The following PCDH7 variants were observed in gnomAD, a reference collection of about 807,000 sequenced individuals.
The protein encoded by PCDH7 is protocadherin 7.
In PCDH7, 17 loss-of-function variants were observed where a neutral mutation model predicts 58.9. The observed-to-expected ratio is 0.29, with a 90% CI of 0.20 to 0.43. The LOEUF (loss-of-function observed/expected upper bound fraction) is 0.43. Among genes scored for constraint, PCDH7 ranks in the 20% least tolerant of loss-of-function variants. The probability of loss-of-function intolerance (pLI) is 1.00; values close to 1 mark genes in which losing one functional copy is unlikely to be tolerated. For synonymous variants in PCDH7, 664 were observed against 616.4 expected, an observed-to-expected ratio of 1.08 and a Z score of -1.14; for missense variants, 1,274 against 1,441.0, an observed-to-expected ratio of 0.88 and a Z score of 1.88.
At chr4:31,106,235 C>A (rs1305342332) in intron 3 of PCDH7, among the ~76,000 whole-genome samples, 1 of 152,068 alleles carries the variant, frequency 6.6e-6, no homozygotes, top group Non-Finnish European at 1.5e-5. Context: ...TCTTATTGAT[C>A]TTGTGTCTGT....
intron 3 of PCDH7, among the ~76,000 whole-genome samples, chr4:30,968,898 T>A (rs942606642): frequency 3.9e-5 from 6 of 152,184 alleles, no homozygotes; most frequent in African/African-American, 1.4e-4. Flanking sequence ...AATTTTTCTG[T>A]CTTCTCTTTC....
chr4:30,873,460 A>AATACAAATTTAATTTGAGATCTAC, intron 1 of PCDH7, among the ~76,000 whole-genome samples: 1 of 149,516 alleles, frequency 6.7e-6, no homozygotes, highest in African/African-American at 2.5e-5. Context: ...GTTAAAATTT[A>AATACAAATTTAATTTGAGATCTAC]ATACAAATTT....
chr4:30,774,762 T>C (rs1721852688), intron 1 of PCDH7, among the ~76,000 whole-genome samples: 1 of 152,200 alleles, frequency 6.6e-6, no homozygotes, highest in Admixed American at 6.5e-5. Context: ...GGATATATAG[T>C]ATAGAACTCA....
chr4:30,729,310 A>G (rs1014233994), intron 1 of PCDH7, among the ~76,000 whole-genome samples: 15 of 151,980 alleles, frequency 9.9e-5, no homozygotes, highest in African/African-American at 3.4e-4. Context: ...TTACTTATTT[A>G]TGACTATATA....
At chr4:30,750,289 T>C (rs1265762351) in intron 1 of PCDH7, among the ~76,000 whole-genome samples, 1 of 152,206 alleles carries the variant, frequency 6.6e-6, no homozygotes, top group Admixed American at 6.5e-5. Flanking sequence ...CTTTTCTCTC[T>C]TTTTAGTATG....
At chr4:30,845,954 G>A (rs558690450) in intron 1 of PCDH7, among the ~76,000 whole-genome samples, 1 of 152,146 alleles carries the variant, frequency 6.6e-6, no homozygotes, top group South Asian at 2.1e-4. Flanking sequence ...TATGTAAAAA[G>A]TGCTTAAGAA....
intron 1 of PCDH7, among the ~76,000 whole-genome samples, chr4:30,779,317 G>A (rs936533001): frequency 6.6e-6 from 1 of 151,980 alleles, no homozygotes; most frequent in Non-Finnish European, 1.5e-5. Context: ...GAGCCACTAG[G>A]CCCAGCCCCT....
At chr4:30,784,749 A>G (rs1723193372) in intron 1 of PCDH7, among the ~76,000 whole-genome samples, 1 of 152,090 alleles carries the variant, frequency 6.6e-6, no homozygotes, top group South Asian at 2.1e-4. Context: ...AAGCTTAATG[A>G]AATTTTAGGT....
chr4:30,728,319 A>C (rs1714942654), intron 1 of PCDH7, among the ~76,000 whole-genome samples: 2 of 144,530 alleles, frequency 1.4e-5, no homozygotes, highest in Non-Finnish European at 3.1e-5. Context: ...AGAGAGAGAG[A>C]GAGCATATAT....
intron 3 of PCDH7, among the ~76,000 whole-genome samples, chr4:31,051,778 T>G (rs1205315031): frequency 6.6e-6 from 1 of 150,800 alleles, no homozygotes; most frequent in Non-Finnish European, 1.5e-5. Flanking sequence ...TTACACATTG[T>G]CTTAAGTAGG....
chr4:30,730,498 T>C (rs1426271881), intron 1 of PCDH7, among the ~76,000 whole-genome samples: 2 of 152,172 alleles, frequency 1.3e-5, no homozygotes, highest in Non-Finnish European at 2.9e-5. Flanking sequence ...TTCAGGAATG[T>C]AGTGATGTTT....
At chr4:30,786,826 C>T in intron 1 of PCDH7, 1 of 791,670 alleles carries the variant, frequency 1.3e-6, no homozygotes, top group Non-Finnish European at 1.5e-6. Context: ...TGTTCCAACT[C>T]AATATGTTGG....
intron 3 of PCDH7, among the ~76,000 whole-genome samples, chr4:31,085,267 G>A (rs73218825): frequency 0.025 from 3,780 of 152,058 alleles, 79 homozygotes; most frequent in Non-Finnish European, 0.035. Flanking sequence ...ATTTGGGTGG[G>A]GCCAGCTGGT....
intron 1 of PCDH7, chr4:30,725,092 A>T (rs1252145539): frequency 1.0e-6 from 1 of 1,001,348 alleles, no homozygotes. Flanking sequence ...ATAGATGCTG[A>T]TTCATGCAGA....
In PCDH7 at chr4:31,011,877, C is replaced by T. The variant is rs2109153381; in HGVS notation, c.*7+61662C>T. ...CTATACCATAATTATTTTTTAAGGT[C>T]TACTTTTCTAATAATACTGTCACTT... On this transcript the variant is annotated intron_variant, in intron 3 of 3. Coordinates refer to the PCDH7 transcript ENST00000509759. Among the ~76,000 whole-genome samples, 2 of 151,888 alleles carry T rather than the reference C, an allele frequency of 1.3e-5. 1 individual carries two copies. The highest frequency in any genetic ancestry group is 4.2e-4 in the South Asian group (2 of 4,812).
chr4:31,003,274 G>T (rs1180819620), intron 3 of PCDH7, among the ~76,000 whole-genome samples: 2 of 151,876 alleles, frequency 1.3e-5, no homozygotes, highest in African/African-American at 4.8e-5. Flanking sequence ...TATGTACAAA[G>T]TGAATCTTAA....
In PCDH7 at chr4:30,945,812, C is replaced by T. The variant is rs956448268; in HGVS notation, c.288-4308C>T. On this transcript the variant is annotated intron_variant, in intron 2 of 3. Coordinates refer to the PCDH7 transcript ENST00000509759. ...TTGCAAAGGTTTCCAGATTCCTTCTCTCCGTGTTGCCAATCCTGCCGCCAC... is the reference window on the plus strand; with the variant it reads ...TTGCAAAGGTTTCCAGATTCCTTCTTTCCGTGTTGCCAATCCTGCCGCCAC... Among the ~76,000 whole-genome samples the T allele has an allele frequency of 2.6e-5, 4 of 152,232 alleles. No individual in the cohort carries two copies. In the East Asian group the frequency reaches 7.7e-4, roughly 29 times the overall value.
intron 1 of PCDH7, among the ~76,000 whole-genome samples, chr4:30,772,759 G>A (rs1319565972): frequency 6.6e-6 from 1 of 152,288 alleles, no homozygotes; most frequent in African/African-American, 2.4e-5. Context: ...ATTGTGCTCA[G>A]TATTTTACTT....
intron 3 of PCDH7, among the ~76,000 whole-genome samples, chr4:30,961,895 G>A (rs1415762050): frequency 6.6e-6 from 1 of 152,098 alleles, no homozygotes; most frequent in Non-Finnish European, 1.5e-5. Flanking sequence ...TATGCCCATA[G>A]GGTGGTATTT....
Sources: allele counts gnomAD v4.1 joint callset (sites outside exome capture counted in the v4.1 genomes callset), GRCh38; gene constraint gnomAD v4.1.1; transcripts MANE v1.5; gene names NCBI Gene and HGNC (gene_info 2026-07-23, HGNC 2026-07-21).